PRUNE2: variants seen among roughly 807,000 people sequenced by gnomAD.
PRUNE2 encodes protein prune homolog 2.
PRUNE2 carries 164 observed loss-of-function variants against 252.0 expected under a neutral mutation model. The ratio of observed to expected loss-of-function variants is 0.65; its 90% CI spans 0.57 to 0.74. The LOEUF is 0.74. Ranked by LOEUF, PRUNE2 falls within the 30% of genes least tolerant of loss-of-function variation. The pLI, the probability that PRUNE2 is intolerant of heterozygous loss-of-function variation, is 0.00. For synonymous variants in PRUNE2, 1,292 were observed against 1,350.2 expected, an observed-to-expected ratio of 0.96 and a Z score of 0.94; for missense variants, 3,495 against 3,711.0, an observed-to-expected ratio of 0.94 and a Z score of 1.51.
At chr9:76,773,321 A>G (rs991863394) in intron 6 of PRUNE2, among the ~76,000 whole-genome samples, 8 of 152,246 alleles carry the variant, frequency 5.3e-5, no homozygotes, top group African/African-American at 1.7e-4. Context: ...GGAGAATACC[A>G]GAATGAAGAA....
chr9:76,880,211 C>A (rs1199739272), intron 1 of PRUNE2, among the ~76,000 whole-genome samples: 1 of 151,840 alleles, frequency 6.6e-6, no homozygotes, highest in African/African-American at 2.4e-5. Context: ...CCATGCCTGG[C>A]CAGAGGCCTG....
At chr9:76,849,765 G>A (rs2132526574) in intron 3 of PRUNE2, among the ~76,000 whole-genome samples, 1 of 152,246 alleles carries the variant, frequency 6.6e-6, no homozygotes, top group Middle Eastern at 3.4e-3. Context: ...GGTGGAGGCT[G>A]CAGTGAGCCG....
At chr9:76,852,998 A>G (rs568918992) in intron 2 of PRUNE2, among the ~76,000 whole-genome samples, 1 of 152,260 alleles carries the variant, frequency 6.6e-6, no homozygotes, top group Admixed American at 6.5e-5. Flanking sequence ...TGTCAACTCT[A>G]TGTTCTCTAG....
intron 2 of PRUNE2, among the ~76,000 whole-genome samples, chr9:76,852,648 G>A (rs945503741): frequency 6.6e-6 from 1 of 152,182 alleles, no homozygotes; most frequent in Non-Finnish European, 1.5e-5. Flanking sequence ...CACTAGCAGG[G>A]GGCCCAGTAA....
chr9:76,889,908 T>G lies in PRUNE2; in HGVS notation c.36+16020A>C, dbSNP rs560630534. On this transcript the variant is annotated intron_variant, in intron 1 of 18. Coordinates refer to ENST00000376718, the MANE Select transcript of PRUNE2 (RefSeq NM_015225.3). ...CCATCTCCTGAGAGCCTGTTAGAAGTGCAAAATCCCGGGTTCTACCCCAAA... is the reference window on the plus strand; with the variant it reads ...CCATCTCCTGAGAGCCTGTTAGAAGGGCAAAATCCCGGGTTCTACCCCAAA... 3.3e-5 allele frequency among the ~76,000 whole-genome samples: 5 copies of G among 152,324 alleles called. No homozygotes were observed. The South Asian group carries it at 1.0e-3, about 32-fold the overall frequency.
At chr9:76,660,394 A>C (rs1179674148) in intron 9 of PRUNE2, among the ~76,000 whole-genome samples, 2 of 152,180 alleles carry the variant, frequency 1.3e-5, no homozygotes, top group Non-Finnish European at 2.9e-5. Flanking sequence ...CTCATGTCTC[A>C]ATTTATATTA....
intron 6 of PRUNE2, among the ~76,000 whole-genome samples, chr9:76,716,302 T>C (rs1329014): frequency 0.19 from 28,418 of 152,232 alleles, 3,085 homozygotes; most frequent in East Asian, 0.48. Context: ...ACACCAGGCA[T>C]CTTGTTGGAA....
intron 9 of PRUNE2, chr9:76,692,178 C>T (rs1229587344): frequency 2.8e-6 from 2 of 717,324 alleles, no homozygotes; most frequent in Non-Finnish European, 5.2e-6. Context: ...TACAGATTCG[C>T]CTCCATTTTC....
chr9:76,620,525 T>G (rs140299860), intron 17 of PRUNE2, among the ~76,000 whole-genome samples: 83 of 152,266 alleles, frequency 5.5e-4, no homozygotes, highest in African/African-American at 1.8e-3. Flanking sequence ...GTTGTCCTCT[T>G]AGTAATATAA....
At chr9:76,616,135 TC>T (rs1222564918) in intron 18 of PRUNE2, among the ~76,000 whole-genome samples, 1 of 152,148 alleles carries the variant, frequency 6.6e-6, no homozygotes, top group East Asian at 1.9e-4. Context: ...CAATCTTGTC[TC>T]CTTTGGAAAG....
At chr9:76,866,542 G>A (rs1319026116) in intron 1 of PRUNE2, among the ~76,000 whole-genome samples, 1 of 152,204 alleles carries the variant, frequency 6.6e-6, no homozygotes, top group Non-Finnish European at 1.5e-5. Context: ...ACATACGCCT[G>A]CCTTCCCCAA....
chr9:76,637,419 G>T lies in PRUNE2; in HGVS notation c.8962C>A (p.Arg2988=), dbSNP rs781546930. Residue 2988 remains arginine, a splice_region_variant and synonymous_variant, in exon 14 of 19, where the codon CGG becomes AGG. Coordinates refer to ENST00000376718, the MANE Select transcript of PRUNE2 (RefSeq NM_015225.3). ...MKKCYQMIDR[R]LRKNLKSFII... ...GATTAAATAATAGAGCCCACATACC[G>T]TCTGTCAATCATCTGGTAGCATTTC... 1 of 1,613,354 alleles carries T rather than the reference G, an allele frequency of 6.2e-7. No homozygotes were observed. The highest frequency in any genetic ancestry group is 1.3e-5 in the African/African-American group (1 of 74,986).
rs2060109842 is a variant in PRUNE2, at chr9:76,854,077, AAGGAGTATTACCCTTTT to A, written c.141+10_141+26del. 2 of 1,077,264 alleles carry A rather than the reference AAGGAGTATTACCCTTTT, an allele frequency of 1.9e-6. No homozygotes were observed. Among genetic ancestry groups the A allele is most frequent in the Non-Finnish European group, 2.8e-6 (2 of 718,028 alleles). 66.7% of individuals were successfully genotyped at this position (1,077,264 alleles called of 1,614,324 possible). On this transcript the variant is annotated intron_variant, in intron 2 of 18. Coordinates refer to ENST00000376718, the MANE Select transcript of PRUNE2 (RefSeq NM_015225.3). ...AAAGTTACATAATAATTCAAAATAT[AAGGAGTATTACCCTTTT>A]TTCCCTCACCTTGTCTAGAAAGTAA... is the stretch of plus-strand genomic sequence containing the variant.
At chr9:76,827,974 G>C (rs942591063) in intron 4 of PRUNE2, among the ~76,000 whole-genome samples, 2 of 151,992 alleles carry the variant, frequency 1.3e-5, no homozygotes. Context: ...GCCTTTTATC[G>C]GCCAGGCAGG....
At chr9:76,639,337 A>G (rs1458545742) in intron 12 of PRUNE2, among the ~76,000 whole-genome samples, 1 of 152,096 alleles carries the variant, frequency 6.6e-6, no homozygotes, top group Admixed American at 6.6e-5. Flanking sequence ...CTAAAAATAC[A>G]AAAATTAGCC....
chr9:76,866,613 G>GA (rs2060852393), intron 1 of PRUNE2, among the ~76,000 whole-genome samples: 1 of 152,164 alleles, frequency 6.6e-6, no homozygotes, highest in African/African-American at 2.4e-5. Context: ...TTGAAGCTGG[G>GA]AGATGGGCAC....
chr9:76,867,735 A>G (rs1247521854), intron 1 of PRUNE2, among the ~76,000 whole-genome samples: 2 of 151,878 alleles, frequency 1.3e-5, no homozygotes, highest in African/African-American at 4.8e-5. Context: ...TGCCCGGCCA[A>G]TTTTTTTGTG....
intron 6 of PRUNE2, among the ~76,000 whole-genome samples, chr9:76,804,830 T>C (rs2056819278): frequency 6.6e-6 from 1 of 152,162 alleles, no homozygotes; most frequent in Non-Finnish European, 1.5e-5. Context: ...TTCCTCCAAG[T>C]TTTTTGAAAA....
At chr9:76,828,710 T>A (rs2132055366) in intron 4 of PRUNE2, among the ~76,000 whole-genome samples, 1 of 152,262 alleles carries the variant, frequency 6.6e-6, no homozygotes, top group Non-Finnish European at 1.5e-5. Flanking sequence ...GACATAAAAC[T>A]CATACTATAA....
Sources: allele counts gnomAD v4.1 joint callset (sites outside exome capture counted in the v4.1 genomes callset), GRCh38; gene constraint gnomAD v4.1.1; transcripts MANE v1.5; gene names NCBI Gene and HGNC (gene_info 2026-07-23, HGNC 2026-07-21).